CLDN10: variants seen among roughly 807,000 people sequenced by gnomAD.
CLDN10 encodes the protein claudin 10.
In CLDN10, 15 loss-of-function variants were observed where a neutral mutation model predicts 22.9. The ratio of observed to expected loss-of-function variants is 0.65; its 90% CI spans 0.44 to 1.01. The LOEUF (loss-of-function observed/expected upper bound fraction) is 1.01, where lower values mean the gene tolerates loss of function less well. CLDN10 is among the 50% of genes least tolerant of loss of function. The pLI is 0.00. For missense variants in CLDN10, 247 were observed against 287.8 expected, an observed-to-expected ratio of 0.86 and a Z score of 1.03; for synonymous variants, 114 against 111.4, an observed-to-expected ratio of 1.02 and a Z score of -0.15.
intron 1 of CLDN10, among the ~76,000 whole-genome samples, chr13:95,483,070 G>T (rs7326546): frequency 0.59 from 90,327 of 152,162 alleles, 28,053 homozygotes; most frequent in African/African-American, 0.79. Context: ...ATTCTCCATC[G>T]TTCTTGGGAG....
rs535253126 is a variant in CLDN10, at chr13:95,472,397, A to G, written c.214+38350A>G. Among the ~76,000 whole-genome samples the G allele has an allele frequency of 3.9e-4, 59 of 152,324 alleles. 1 individual carries two copies. The South Asian group carries it at 7.5e-3, about 19-fold the overall frequency. ...AGACCAAATTTTAAAATATAGTGCG[A>G]TAGGCCAGACACAGTGGCTCACATC... On this transcript the variant is annotated intron_variant, in intron 1 of 4. Transcript: ENST00000376873.
chr13:95,545,903 C>T (rs1429689017), intron 1 of CLDN10, among the ~76,000 whole-genome samples: 2 of 152,120 alleles, frequency 1.3e-5, no homozygotes, highest in African/African-American at 4.8e-5. Flanking sequence ...CGGGCCAGAG[C>T]TCAAAGCACG....
At chr13:95,474,708 GT>G (rs1566288780) in intron 1 of CLDN10, among the ~76,000 whole-genome samples, 1 of 152,258 alleles carries the variant, frequency 6.6e-6, no homozygotes, top group East Asian at 1.9e-4. Flanking sequence ...AAACCCATAT[GT>G]AGAAACGGAT....
rs138016956 is a variant in CLDN10 at position 95,497,809 on chromosome 13, C to T, written c.215-62323C>T. ...CATTTTTCTCTCAAAAGAAAACAGGCCACTGAATACTAGAAAGGGGAATTC... is the reference window on the plus strand; with the variant it reads ...CATTTTTCTCTCAAAAGAAAACAGGTCACTGAATACTAGAAAGGGGAATTC... On this transcript the variant is annotated intron_variant, in intron 1 of 4. Coordinates refer to the CLDN10 transcript ENST00000376873. Among the ~76,000 whole-genome samples, 11 of 152,014 alleles carry T rather than the reference C, an allele frequency of 7.2e-5. No homozygotes were observed. The East Asian group carries it at 1.9e-3, about 27-fold the overall frequency.
intron 1 of CLDN10, among the ~76,000 whole-genome samples, chr13:95,449,607 T>C (rs1193224411): frequency 1.3e-5 from 2 of 151,932 alleles, no homozygotes; most frequent in African/African-American, 4.8e-5. Flanking sequence ...TGCTCTGGCA[T>C]CTAGGCTGGC....
intron 1 of CLDN10, among the ~76,000 whole-genome samples, chr13:95,516,997 T>A (rs1594580964): frequency 6.8e-6 from 1 of 146,690 alleles, no homozygotes; most frequent in South Asian, 2.3e-4. Flanking sequence ...CTTCCTTCCT[T>A]CCTTCCTTCC....
At chr13:95,469,561 C>T (rs1216044105) in intron 1 of CLDN10, among the ~76,000 whole-genome samples, 1 of 152,174 alleles carries the variant, frequency 6.6e-6, no homozygotes, top group Admixed American at 6.5e-5. Context: ...AACTAAGATC[C>T]AGCAGTGTCT....
chr13:95,553,219 C>G (rs1479792653), intron 1 of CLDN10, among the ~76,000 whole-genome samples: 3 of 152,146 alleles, frequency 2.0e-5, no homozygotes, highest in South Asian at 2.1e-4. Flanking sequence ...CAGACAGGCC[C>G]GGGTTGGTGA....
At chr13:95,512,141 T>TTTTTTG (rs1234938515) in intron 1 of CLDN10, among the ~76,000 whole-genome samples, 1 of 124,162 alleles carries the variant, frequency 8.1e-6, no homozygotes, top group Non-Finnish European at 1.7e-5. Flanking sequence ...GGTTTTTGTT[T>TTTTTTG]GTTTGTGTTC....
At chr13:95,526,848 T>C (rs1378475610) in intron 1 of CLDN10, among the ~76,000 whole-genome samples, 1 of 152,084 alleles carries the variant, frequency 6.6e-6, no homozygotes, top group African/African-American at 2.4e-5. Flanking sequence ...AGGAGAGCTG[T>C]CTTAGCATTT....
chr13:95,553,516 T>A (rs181054612), intron 1 of CLDN10, among the ~76,000 whole-genome samples: 1 of 152,364 alleles, frequency 6.6e-6, no homozygotes, highest in Non-Finnish European at 1.5e-5. Flanking sequence ...GAAAACATAT[T>A]GCAGAATTTG....
chr13:95,447,454 T>C (rs528686947), intron 1 of CLDN10, among the ~76,000 whole-genome samples: 10 of 152,294 alleles, frequency 6.6e-5, no homozygotes, highest in South Asian at 6.2e-4. Flanking sequence ...CCTCTCACTT[T>C]TTTCCTCGCG....
chr13:95,560,218 T>C lies in CLDN10; in HGVS notation c.307T>C (p.Cys103Arg), dbSNP rs2043689443. ...GSIFALFGMK[C>R]TKVGGSDKAK... ...CATATTTGCGCTCTTTGGAATGAAG[T>C]GTACCAAAGTCGGAGGCTCCGATAA... Residue 103 changes from cysteine to arginine, a missense_variant, in exon 2 of 5, where the codon TGT becomes CGT. Transcript: ENST00000299339. 6.2e-7 allele frequency: 1 copy of C among 1,614,188 alleles called. No individual in the cohort carries two copies. Among genetic ancestry groups the C allele is most frequent in the Non-Finnish European group, 8.5e-7 (1 of 1,179,994 alleles).
intron 1 of CLDN10, among the ~76,000 whole-genome samples, chr13:95,494,982 A>G (rs983791909): frequency 6.6e-6 from 1 of 151,982 alleles, no homozygotes; most frequent in African/African-American, 2.4e-5. Flanking sequence ...GCAAAACCCA[A>G]ATTGTGCAAT....
At chr13:95,482,349 T>C (rs997775874) in intron 1 of CLDN10, among the ~76,000 whole-genome samples, 3 of 152,264 alleles carry the variant, frequency 2.0e-5, no homozygotes, top group African/African-American at 7.2e-5. Flanking sequence ...TGTTGACCCC[T>C]TCTCTAATAT....
chr13:95,527,781 C>T (rs2043299917), intron 1 of CLDN10, among the ~76,000 whole-genome samples: 1 of 152,070 alleles, frequency 6.6e-6, no homozygotes, highest in African/African-American at 2.4e-5. Context: ...AATTAAAAAA[C>T]TCTGTGGCGA....
intron 1 of CLDN10, among the ~76,000 whole-genome samples, chr13:95,466,183 T>A (rs1457430491): frequency 6.6e-6 from 1 of 152,114 alleles, no homozygotes; most frequent in Non-Finnish European, 1.5e-5. Flanking sequence ...TCTTTTTATA[T>A]GTGTCTGGAT....
chr13:95,433,836 G>A, exon 1 of CLDN10: 2 of 1,614,060 alleles, frequency 1.2e-6, no homozygotes. Context: ...GGCGCGACAT[G>A]TCCAGGGCGC....
At chr13:95,518,697 T>A (rs1235638213) in intron 1 of CLDN10, among the ~76,000 whole-genome samples, 1 of 152,034 alleles carries the variant, frequency 6.6e-6, no homozygotes, top group African/African-American at 2.4e-5. Context: ...AAACGGAGGT[T>A]GCAGTGAGCC....
Sources: allele counts gnomAD v4.1 joint callset (sites outside exome capture counted in the v4.1 genomes callset), GRCh38; gene constraint gnomAD v4.1.1; transcripts MANE v1.5; gene names NCBI Gene and HGNC (gene_info 2026-07-23, HGNC 2026-07-21).